The following LRRC4C variants were observed in gnomAD, a reference collection of about 807,000 sequenced individuals.
LRRC4C encodes the protein leucine rich repeat containing 4C, also known as leucine-rich repeat-containing protein 4C.
A neutral mutation model predicts 33.6 loss-of-function variants in LRRC4C; 5 were observed. The ratio of observed to expected loss-of-function variants is 0.15; its 90% confidence interval spans 0.08 to 0.31. The LOEUF is 0.31. LRRC4C is among the 10% of genes least tolerant of loss of function. The pLI is 1.00. For synonymous variants in LRRC4C, 329 were observed against 302.0 expected (o/e 1.09, Z -0.93); for missense variants, 560 against 796.7 (o/e 0.70, Z 3.58).
intron 1 of LRRC4C, among the ~76,000 whole-genome samples, chr11:41,362,712 A>C (rs1952398284): frequency 6.6e-6 from 1 of 152,170 alleles, no homozygotes; most frequent in African/African-American, 2.4e-5. Flanking sequence ...AATTGTTAAC[A>C]GGTCAGGTTC....
At chr11:40,434,826 T>A (rs1951081863) in intron 3 of LRRC4C, among the ~76,000 whole-genome samples, 1 of 152,196 alleles carries the variant, frequency 6.6e-6, no homozygotes, top group African/African-American at 2.4e-5. Context: ...ATAAATGTTT[T>A]ATTTTGCCTG....
intron 2 of LRRC4C, among the ~76,000 whole-genome samples, chr11:40,825,549 A>C (rs1404607311): frequency 6.6e-6 from 1 of 151,966 alleles, no homozygotes; most frequent in Non-Finnish European, 1.5e-5. Flanking sequence ...ATAAGGTAAA[A>C]GTCACTTTAA....
In LRRC4C at chr11:41,173,766, A is replaced by G. The variant is rs930298983; in HGVS notation, c.-495-240043T>C. On this transcript the variant is annotated intron_variant, in intron 1 of 6. Coordinates refer to ENST00000528697, the MANE Select transcript of LRRC4C (RefSeq NM_001258419.2). ...GCCTGGAGACAGTTAGAAACTAAAGATCTTTGTCCTATTTAATCTCTCTAA... is the reference window on the plus strand; with the variant it reads ...GCCTGGAGACAGTTAGAAACTAAAGGTCTTTGTCCTATTTAATCTCTCTAA... Among the ~76,000 whole-genome samples the G allele has an allele frequency of 5.3e-4, 80 of 152,132 alleles. 1 individual carries two copies. Among genetic ancestry groups the G allele is most frequent in the Admixed American group, 2.7e-3 (41 of 15,252 alleles).
chr11:40,176,263 C>T (rs927008153), intron 5 of LRRC4C, among the ~76,000 whole-genome samples: 13 of 152,070 alleles, frequency 8.5e-5, no homozygotes, highest in African/African-American at 2.2e-4. Context: ...AGATAGAACG[C>T]GGCATTATGT....
At chr11:40,926,500 C>T (rs1957411124) in intron 2 of LRRC4C, among the ~76,000 whole-genome samples, 1 of 152,100 alleles carries the variant, frequency 6.6e-6, no homozygotes, top group South Asian at 2.1e-4. Flanking sequence ...TCTTACAATG[C>T]TTGATAAAAA....
chr11:41,179,747 T>C (rs1217579190), intron 1 of LRRC4C, among the ~76,000 whole-genome samples: 1 of 152,158 alleles, frequency 6.6e-6, no homozygotes, highest in Non-Finnish European at 1.5e-5. Flanking sequence ...TCTGAACTGT[T>C]AAGTAAGCTC....
At chr11:40,453,730 T>G (rs1213719239) in intron 3 of LRRC4C, among the ~76,000 whole-genome samples, 1 of 151,904 alleles carries the variant, frequency 6.6e-6, no homozygotes, top group Non-Finnish European at 1.5e-5. Flanking sequence ...TATATGCACA[T>G]TATATGACAT....
At chr11:41,039,090 T>G (rs1857264164) in intron 1 of LRRC4C, among the ~76,000 whole-genome samples, 1 of 152,226 alleles carries the variant, frequency 6.6e-6, no homozygotes, top group South Asian at 2.1e-4. Flanking sequence ...CATTAAATCC[T>G]TCTTATTTTT....
chr11:41,164,441 T>C (rs907804988), intron 1 of LRRC4C, among the ~76,000 whole-genome samples: 3 of 152,008 alleles, frequency 2.0e-5, no homozygotes, highest in Non-Finnish European at 2.9e-5. Context: ...TTTACATAAG[T>C]AAAAGGAGAA....
At chr11:40,139,214 G>A (rs1420038531) in intron 6 of LRRC4C, among the ~76,000 whole-genome samples, 1 of 152,154 alleles carries the variant, frequency 6.6e-6, no homozygotes, top group Non-Finnish European at 1.5e-5. Flanking sequence ...AAAACAGTGA[G>A]CTATCAATGC....
chr11:40,605,465 G>T (rs1468353164), intron 3 of LRRC4C, among the ~76,000 whole-genome samples: 1 of 152,040 alleles, frequency 6.6e-6, no homozygotes, highest in Non-Finnish European at 1.5e-5. Context: ...AACCATTTAA[G>T]AGGCTTCTGC....
chr11:41,083,127 G>A (rs1939703571), intron 1 of LRRC4C, among the ~76,000 whole-genome samples: 1 of 152,082 alleles, frequency 6.6e-6, no homozygotes, highest in Non-Finnish European at 1.5e-5. Context: ...AGTACATTTT[G>A]AACACAAAAG....
At chr11:40,578,556 T>C (rs1323121488) in intron 3 of LRRC4C, among the ~76,000 whole-genome samples, 3 of 152,068 alleles carry the variant, frequency 2.0e-5, no homozygotes, top group African/African-American at 7.2e-5. Context: ...TCTCTCTCTC[T>C]CTCATACACA....
chr11:41,416,065 A>G (rs1287566362), intron 1 of LRRC4C, among the ~76,000 whole-genome samples: 2 of 151,976 alleles, frequency 1.3e-5, no homozygotes, highest in Admixed American at 1.3e-4. Flanking sequence ...GGGGAAGGAG[A>G]TAGGAAGCTG....
chr11:41,197,736 T>G (rs983924600), intron 1 of LRRC4C, among the ~76,000 whole-genome samples: 1 of 152,004 alleles, frequency 6.6e-6, no homozygotes, highest in Non-Finnish European at 1.5e-5. Context: ...CTCTCAAGAT[T>G]TATTCTCCTC....
At chr11:41,108,210 C>G (rs1941625761) in intron 1 of LRRC4C, among the ~76,000 whole-genome samples, 1 of 152,158 alleles carries the variant, frequency 6.6e-6, no homozygotes, top group Admixed American at 6.5e-5. Context: ...CTACCCTTAG[C>G]CTTTAAGCTA....
At chr11:40,889,974 A>G (rs1955628655) in intron 2 of LRRC4C, among the ~76,000 whole-genome samples, 2 of 152,160 alleles carry the variant, frequency 1.3e-5, no homozygotes, top group Non-Finnish European at 1.5e-5. Flanking sequence ...TGTCTCCTCA[A>G]TTTATGACCA....
At chr11:40,425,578 T>A (rs1453751316) in intron 3 of LRRC4C, among the ~76,000 whole-genome samples, 1 of 152,156 alleles carries the variant, frequency 6.6e-6, no homozygotes, top group African/African-American at 2.4e-5. Context: ...AAGCACAGAC[T>A]ACCCATTGGG....
intron 5 of LRRC4C, among the ~76,000 whole-genome samples, chr11:40,175,251 GA>G (rs1216786026): frequency 6.6e-6 from 1 of 152,212 alleles, no homozygotes; most frequent in Non-Finnish European, 1.5e-5. Context: ...CACTAAAAGA[GA>G]ATTCACAAAG....
Sources: gnomAD v4.1 joint callset for allele counts (sites outside exome capture counted in the v4.1 genomes callset) on GRCh38, gnomAD v4.1.1 for gene constraint, MANE v1.5 for transcripts, NCBI Gene and HGNC (gene_info 2026-07-23, HGNC 2026-07-21) for gene names.